The following CSRNP2 variants were observed in gnomAD, a reference collection of about 807,000 sequenced individuals.
The protein encoded by CSRNP2 is cysteine and serine rich nuclear protein 2.
A neutral mutation model predicts 36.6 loss-of-function variants in CSRNP2; 11 were observed. That is an observed-to-expected ratio of 0.30 (90% CI 0.19 to 0.50). CSRNP2 has a LOEUF of 0.50. CSRNP2 is among the 20% of genes least tolerant of loss of function. The pLI, the probability that CSRNP2 is intolerant of heterozygous loss-of-function variation, is 0.98. For synonymous variants in CSRNP2, 248 were observed against 275.3 expected, an observed-to-expected ratio of 0.90 and a Z score of 0.98; for missense variants, 483 against 691.4, an observed-to-expected ratio of 0.70 and a Z score of 3.38.
intron 1 of CSRNP2, among the ~76,000 whole-genome samples, chr12:51,077,347 A>C (rs1164031817): frequency 6.6e-6 from 1 of 152,212 alleles, no homozygotes; most frequent in African/African-American, 2.4e-5. Context: ...CTGCTGTGTC[A>C]AAAGGGTTTT....
chr12:51,072,384 C>T (rs1939199258), intron 3 of CSRNP2, among the ~76,000 whole-genome samples: 1 of 150,420 alleles, frequency 6.6e-6, no homozygotes, highest in South Asian at 2.1e-4. Context: ...ATGGTGAAAC[C>T]CCGTCTCTAT....
chr12:51,067,830 C>T lies in CSRNP2; in HGVS notation c.551G>A (p.Arg184Gln), dbSNP rs761596262. ...GACCCCAGAAGCCCTCAGCAGGGCC[C>T]GTCGCCGTTTGGTGGGCAGAGGCTG... ...FLQPLPTKRR[R>Q]ALLRASGVHR... Residue 184 changes from arginine to glutamine, a missense_variant, in exon 4 of 5, where the codon CGG (arginine) becomes CAG (glutamine). By Grantham distance (43) the Arg-to-Gln change is conservative. Coordinates refer to ENST00000228515, the MANE Select transcript of CSRNP2 (RefSeq NM_030809.3). This position sits in a 1 kb window ranked among gnomAD's most constrained non-coding sequence, Gnocchi z 4.1. The T allele has an allele frequency of 7.4e-6, 12 of 1,614,218 alleles. No individual in the cohort carries two copies. The highest frequency in any genetic ancestry group is 6.7e-5 in the East Asian group (3 of 44,890).
chr12:51,075,233 T>C (rs1045716631), intron 2 of CSRNP2, among the ~76,000 whole-genome samples: 1 of 152,060 alleles, frequency 6.6e-6, no homozygotes, highest in South Asian at 2.1e-4. Context: ...CACCTCAGCC[T>C]CCAGAGTAGC....
rs143340150 is a variant in CSRNP2, at chr12:51,064,490, C to A, written c.888G>T (p.Pro296=). Residue 296 remains proline (P), a synonymous_variant, in exon 5 of 5, where the codon CCG becomes CCT. Coordinates refer to ENST00000228515, the MANE Select transcript of CSRNP2 (RefSeq NM_030809.3). ...CTCCTGTCAGGCTGCAACTGGCAGT[C>A]GGGGAGGGCTCCTCATCTGGGGCTG... The part of the protein sequence containing the change: ...RPAAPDEEPS[P]TASCSLTGAQ... 6.2e-7 allele frequency: 1 copy of A among 1,610,184 alleles called. No individual in the cohort carries two copies. Among genetic ancestry groups the A allele is most frequent in the Non-Finnish European group, 8.5e-7 (1 of 1,178,152 alleles).
intron 1 of CSRNP2, chr12:51,076,893 G>A (rs1352074356): frequency 9.4e-6 from 2 of 211,774 alleles, no homozygotes; most frequent in African/African-American, 4.5e-5. Flanking sequence ...TGAAGGAAAG[G>A]CCTTTGCTTC....
Position 51,076,451 on chromosome 12 carries a change from G to A in CSRNP2, c.111C>T (p.Ser37=), listed in dbSNP as rs1253749070. Residue 37 remains serine, a synonymous_variant, in exon 2 of 5, where the codon AGC becomes AGT. Coordinates refer to ENST00000228515, the MANE Select transcript of CSRNP2 (RefSeq NM_030809.3). Reference sequence around the variant, plus strand: ...TGGTAGGAGGATTGAGGCTGTCGCAGCTGTCAGCACTATCACTGCTGGAGA... The same window carrying A: ...TGGTAGGAGGATTGAGGCTGTCGCAACTGTCAGCACTATCACTGCTGGAGA... The part of the protein sequence containing the change: ...DEISSSDSAD[S]CDSLNPPTTA... 1.2e-5 allele frequency: 19 copies of A among 1,614,106 alleles called. No homozygotes were observed. The highest frequency in any genetic ancestry group is 1.4e-5 in the Non-Finnish European group (17 of 1,180,012).
intron 3 of CSRNP2, among the ~76,000 whole-genome samples, chr12:51,072,493 G>A (rs918850065): frequency 3.4e-5 from 5 of 147,540 alleles, no homozygotes; most frequent in Admixed American, 1.4e-4. Context: ...AACCCGGGAG[G>A]TGGAGCTTGC....
chr12:51,080,267 C>T lies in CSRNP2; in HGVS notation c.-87+3072G>A, dbSNP rs1939591016. On this transcript the variant is annotated intron_variant, in intron 1 of 4. Transcript: ENST00000228515. The stretch of plus-strand genomic sequence containing the variant: ...TCTTTCCTCAGGTGTCCCCAGGCTT[C>T]TGGTAGTATCTCCGGTGAATATTTC... Among the ~76,000 whole-genome samples, 4 of 152,224 alleles carry T rather than the reference C, an allele frequency of 2.6e-5. 1 individual carries two copies. In the South Asian group the frequency reaches 8.3e-4, roughly 32 times the overall value.
At position 51,067,954 on chromosome 12, in the gene CSRNP2, T is replaced by C. The variant is rs1039289683; in HGVS notation, c.427A>G (p.Thr143Ala). ...AKKMKLTKNG[T>A]VESVEADGLT... Reference sequence around the variant, plus strand: ...CCATCAGCCTCCACCGACTCCACTGTCCCATTCTTGGTCAGCTGCCAAGAG... The same window carrying C: ...CCATCAGCCTCCACCGACTCCACTGCCCCATTCTTGGTCAGCTGCCAAGAG... Residue 143 changes from threonine (T) to alanine (A), a missense_variant, in exon 4 of 5, where the codon ACA (threonine) becomes GCA (alanine). By Grantham distance (58) the Thr-to-Ala change is moderately conservative (BLOSUM62 0). This residue lies in a region of CSRNP2 where 206 missense variants were observed against 367.8 expected (regional missense o/e 0.56). Transcript: ENST00000228515. This position sits in a 1 kb window ranked among gnomAD's most constrained non-coding sequence, Gnocchi z 4.1. 21 of 1,613,474 alleles carry C rather than the reference T, an allele frequency of 1.3e-5. No homozygotes were observed. The highest frequency in any genetic ancestry group is 1.8e-5 in the Non-Finnish European group (21 of 1,179,484).
chr12:51,071,123 A>G (rs1158417875), intron 3 of CSRNP2, among the ~76,000 whole-genome samples: 1 of 152,078 alleles, frequency 6.6e-6, no homozygotes, highest in East Asian at 1.9e-4. Flanking sequence ...TTAGCCCAGC[A>G]TGGTGGTACA....
At chr12:51,071,124 T>C (rs1417459235) in intron 3 of CSRNP2, among the ~76,000 whole-genome samples, 1 of 152,028 alleles carries the variant, frequency 6.6e-6, no homozygotes, top group East Asian at 1.9e-4. Context: ...TAGCCCAGCA[T>C]GGTGGTACAT....
At chr12:51,074,899 T>C (rs554239392) in intron 2 of CSRNP2, among the ~76,000 whole-genome samples, 155 of 152,038 alleles carry the variant, frequency 1.0e-3, no homozygotes, top group African/African-American at 3.6e-3. Flanking sequence ...ACCCCATCTC[T>C]ACTAAAAATA....
In CSRNP2 at chr12:51,071,007, A is replaced by G. The variant is rs137954562; in HGVS notation, c.411+2816T>C. Among the ~76,000 whole-genome samples, 135 of 152,238 alleles carry G rather than the reference A, an allele frequency of 8.9e-4. 1 individual carries two copies. The highest frequency in any genetic ancestry group is 3.1e-3 in the African/African-American group (129 of 41,544). On this transcript the variant is annotated intron_variant, in intron 3 of 4. Coordinates refer to ENST00000228515, the MANE Select transcript of CSRNP2 (RefSeq NM_030809.3). ...CCGGACATGGTGGCTCACTCCTGTA[A>G]TCCCAGCACTTTGGGAGGCCGAGGC...
chr12:51,079,455 T>C (rs1232267019), intron 1 of CSRNP2, among the ~76,000 whole-genome samples: 2 of 151,214 alleles, frequency 1.3e-5, no homozygotes, highest in African/African-American at 4.9e-5. Context: ...CTTATGTGGG[T>C]GGAATTTTTT....
chr12:51,066,531 C>T (rs1938342801), intron 4 of CSRNP2, among the ~76,000 whole-genome samples: 1 of 150,570 alleles, frequency 6.6e-6, no homozygotes, highest in African/African-American at 2.4e-5. Context: ...ATCCCAGCTA[C>T]TTGGGAGGCT....
At chr12:51,073,751 A>G (rs1424498556) in intron 3 of CSRNP2, 72 bp downstream of exon 3, 177 of 1,452,100 alleles carry the variant, frequency 1.2e-4, no homozygotes, top group Non-Finnish European at 1.5e-4. Flanking sequence ...AAAAAAATCA[A>G]TCAACCAACC....
chr12:51,078,193 G>A (rs1410524983), intron 1 of CSRNP2, among the ~76,000 whole-genome samples: 1 of 152,172 alleles, frequency 6.6e-6, no homozygotes, highest in East Asian at 1.9e-4. Context: ...CTGCTTTTCT[G>A]GACTGTGTCT....
At position 51,063,493 on chromosome 12, in the gene CSRNP2, A is replaced by G. The variant is rs1262588378; in HGVS notation, c.*253T>C. 7 of 276,166 alleles carry G rather than the reference A, an allele frequency of 2.5e-5. No homozygotes were observed. Among genetic ancestry groups the G allele is most frequent in the African/African-American group, 8.7e-5 (4 of 45,784 alleles). 17.1% of individuals were successfully genotyped at this position (276,166 alleles called of 1,614,324 possible). A position where few individuals can be genotyped will look rare whatever the true frequency, so the allele number is the denominator to read the frequency against. The stretch of plus-strand genomic sequence containing the variant: ...TCCTAGTTCTTTGTTCCAGTGGCCC[A>G]GAAAGCTTAATGTTCAGCACTACGC... On this transcript the variant is annotated 3_prime_UTR_variant, in exon 5 of 5. Transcript: ENST00000228515.
In CSRNP2 at chr12:51,063,739, G is replaced by C; in HGVS notation, c.*7C>G. ...GAATGGGTAAGAGGCAGGACCTCTA[G>C]CGCCTGTCACACTGCCAGAGGGAGT... On this transcript the variant is annotated 3_prime_UTR_variant, in exon 5 of 5. Transcript: ENST00000228515. 2 of 1,532,082 alleles carry C rather than the reference G, an allele frequency of 1.3e-6. No individual in the cohort carries two copies. Among genetic ancestry groups the C allele is most frequent in the Non-Finnish European group, 1.8e-6 (2 of 1,139,822 alleles). The allele number at this position is 1,532,082 out of a possible 1,614,324, so 94.9% of individuals were successfully genotyped here.
Sources: allele counts gnomAD v4.1 joint callset (sites outside exome capture counted in the v4.1 genomes callset), GRCh38; gene constraint gnomAD v4.1.1; regional missense constraint gnomAD v4.1.1; non-coding constraint Gnocchi (gnomAD v3.1); transcripts MANE v1.5; gene names NCBI Gene and HGNC (gene_info 2026-07-23, HGNC 2026-07-21).